Variants in RBFOX1 observed in about 807,000 individuals in gnomAD.
RBFOX1 encodes RNA binding fox-1 homolog 1.
A neutral mutation model predicts 57.7 loss-of-function variants in RBFOX1; 8 were observed. The observed-to-expected ratio is 0.14, with a 90% CI of 0.08 to 0.25. The LOEUF is 0.25. Ranked by LOEUF, RBFOX1 falls within the 10% of genes least tolerant of loss-of-function variation. The probability of loss-of-function intolerance (pLI) is 1.00; values close to 1 mark genes in which losing one functional copy is unlikely to be tolerated. For synonymous variants in RBFOX1, 326 were observed against 222.4 expected, an observed-to-expected ratio of 1.47 and a Z score of -4.15; for missense variants, 611 against 548.5, an observed-to-expected ratio of 1.11 and a Z score of -1.14.
intron 1 of RBFOX1, among the ~76,000 whole-genome samples, chr16:6,256,151 A>ATATG (rs1555582109): frequency 8.1e-5 from 5 of 61,682 alleles, no homozygotes; most frequent in East Asian, 8.5e-4. Flanking sequence ...GTGTATATAT[A>ATATG]TATATATGTA....
intron 3 of RBFOX1, among the ~76,000 whole-genome samples, chr16:6,814,870 G>A (rs982327440): frequency 1.1e-4 from 17 of 152,082 alleles, no homozygotes; most frequent in African/African-American, 4.1e-4. Flanking sequence ...AGGGTTCTTG[G>A]ACCTTGCACA....
At chr16:7,300,182 C>A (rs1369033804) in intron 4 of RBFOX1, among the ~76,000 whole-genome samples, 2 of 152,136 alleles carry the variant, frequency 1.3e-5, no homozygotes, top group Non-Finnish European at 2.9e-5. Context: ...TTGTACTGTA[C>A]TTATTTCTTC....
At chr16:6,980,351 C>G (rs772129174) in intron 3 of RBFOX1, among the ~76,000 whole-genome samples, 1 of 152,158 alleles carries the variant, frequency 6.6e-6, no homozygotes, top group Non-Finnish European at 1.5e-5. Context: ...TGAGGACTAA[C>G]ATGTAACCAT....
intron 13 of RBFOX1, among the ~76,000 whole-genome samples, chr16:7,669,897 C>A (rs1156582086): frequency 6.6e-6 from 1 of 152,142 alleles, no homozygotes; most frequent in Non-Finnish European, 1.5e-5. Context: ...AGACCTCAGT[C>A]CACCAAGAAA....
At chr16:6,693,000 TACCATCACA>T (rs1208349361) in intron 3 of RBFOX1, among the ~76,000 whole-genome samples, 2 of 151,224 alleles carry the variant, frequency 1.3e-5, no homozygotes, top group Non-Finnish European at 3.0e-5. Context: ...TCTCCTCCAC[TACCATCACA>T]ACCATCATCA....
rs1360137290 is a variant in RBFOX1 at position 6,093,738 on chromosome 16, C to T, written c.-127+73746C>T. ...CTAGGCTCAAGCGATCCTTTCTCCT[C>T]AGCCTCCTAAATAGCTGGGACCACA... On this transcript the variant is annotated intron_variant, in intron 1 of 15. Transcript: ENST00000550418. Among the ~76,000 whole-genome samples, 3 of 152,196 alleles carry T rather than the reference C, an allele frequency of 2.0e-5. No individual in the cohort carries two copies. The East Asian group carries it at 5.8e-4, about 30-fold the overall frequency.
intron 3 of RBFOX1, among the ~76,000 whole-genome samples, chr16:6,819,435 G>A (rs188194746): frequency 7.9e-5 from 12 of 152,226 alleles, no homozygotes; most frequent in African/African-American, 2.4e-4. Context: ...AAGGTAGGCC[G>A]GGCATGGTGG....
chr16:6,725,143 C>T lies in RBFOX1; in HGVS notation c.-16+70493C>T, dbSNP rs555227474. On this transcript the variant is annotated intron_variant, in intron 3 of 15. Transcript: ENST00000550418. ...TCGGCTCACTGCAAGCTCTGCGTCCCGGGTTCACGCCATTCTCCTGCCTCA... is the reference window on the plus strand; with the variant it reads ...TCGGCTCACTGCAAGCTCTGCGTCCTGGGTTCACGCCATTCTCCTGCCTCA... 4.4e-4 allele frequency among the ~76,000 whole-genome samples: 66 copies of T among 148,708 alleles called. 1 individual carries two copies. The South Asian group carries it at 0.012, about 28-fold the overall frequency.
intron 1 of RBFOX1, among the ~76,000 whole-genome samples, chr16:6,271,294 C>G (rs987694964): frequency 1.2e-4 from 18 of 152,068 alleles, no homozygotes; most frequent in African/African-American, 3.6e-4. Context: ...CATAGTGGCA[C>G]ATGTGTGTAG....
chr16:6,962,154 CCTT>C (rs2083156886), intron 3 of RBFOX1, among the ~76,000 whole-genome samples: 1 of 152,150 alleles, frequency 6.6e-6, no homozygotes, highest in Non-Finnish European at 1.5e-5. Context: ...GAGAATCCCT[CCTT>C]TCTACTTCCA....
chr16:7,612,781 A>T (rs1568094082), intron 10 of RBFOX1, among the ~76,000 whole-genome samples: 1 of 152,140 alleles, frequency 6.6e-6, no homozygotes, highest in Non-Finnish European at 1.5e-5. Context: ...TCAAATGGTA[A>T]ATTTATCTGT....
chr16:6,948,492 C>T (rs2080027626), intron 3 of RBFOX1, among the ~76,000 whole-genome samples: 1 of 143,786 alleles, frequency 7.0e-6, no homozygotes, highest in South Asian at 2.3e-4. Context: ...AAGCGATTCT[C>T]CTGCCTCAGC....
intron 4 of RBFOX1, among the ~76,000 whole-genome samples, chr16:7,180,986 C>G (rs956311407): frequency 1.3e-5 from 2 of 152,130 alleles, no homozygotes; most frequent in African/African-American, 2.4e-5. Flanking sequence ...AAAAAGCAGT[C>G]ATAGGCAATG....
chr16:6,086,642 CTCATA>C (rs1387783916), intron 1 of RBFOX1, among the ~76,000 whole-genome samples: 1 of 152,152 alleles, frequency 6.6e-6, no homozygotes, highest in African/African-American at 2.4e-5. Flanking sequence ...TATATCTGAA[CTCATA>C]TCAGGGAGAT....
chr16:5,675,851 G>A (rs1332783438), intron 3 of RBFOX1, among the ~76,000 whole-genome samples: 5 of 152,128 alleles, frequency 3.3e-5, no homozygotes, highest in Admixed American at 3.3e-4. Flanking sequence ...ATAAAGATGA[G>A]GGGCACAGAG....
At chr16:5,826,571 G>C (rs1227126885) in intron 3 of RBFOX1, among the ~76,000 whole-genome samples, 1 of 152,226 alleles carries the variant, frequency 6.6e-6, no homozygotes, top group African/African-American at 2.4e-5. Flanking sequence ...TGTGTGTCAA[G>C]AAAACTTTAT....
In RBFOX1 at chr16:5,999,867, C is replaced by CAAA. The variant is rs869221577; in HGVS notation, c.351+132570_351+132572dup. The stretch of plus-strand genomic sequence containing the variant: ...TGGGCGACAGAGCGAGACTCCACCT[C>CAAA]AAAAAAAAAAAAAAAAAAAAAAAAA... On this transcript the variant is annotated intron_variant, in intron 4 of 19. Coordinates refer to the RBFOX1 transcript ENST00000641259. Among the ~76,000 whole-genome samples the CAAA allele has an allele frequency of 4.7e-4, 13 of 27,674 alleles. 1 individual carries two copies. The highest frequency in any genetic ancestry group is 6.4e-4 in the Non-Finnish European group (10 of 15,612). The allele number at this position is 27,674 out of a possible 152,430, so 18.2% of individuals were successfully genotyped here. A position where few individuals can be genotyped will look rare whatever the true frequency, so the allele number is the denominator to read the frequency against.
chr16:5,262,228 T>C (rs1269319834), intron 1 of RBFOX1, among the ~76,000 whole-genome samples: 1 of 152,076 alleles, frequency 6.6e-6, no homozygotes, highest in African/African-American at 2.4e-5. Context: ...GACATGATGG[T>C]TAGTGTTATG....
chr16:5,308,293 C>G (rs1336583081), intron 1 of RBFOX1, among the ~76,000 whole-genome samples: 1 of 151,578 alleles, frequency 6.6e-6, no homozygotes, highest in African/African-American at 2.4e-5. Context: ...CGCCACTACA[C>G]TCTAGCCTGG....
Sources: allele counts gnomAD v4.1 joint callset (sites outside exome capture counted in the v4.1 genomes callset), GRCh38; gene constraint gnomAD v4.1.1; transcripts MANE v1.5; gene names NCBI Gene and HGNC (gene_info 2026-07-23, HGNC 2026-07-21).